The following ETV5 variants were observed in gnomAD, a reference collection of about 807,000 sequenced individuals.
ETV5 encodes the protein ETS variant transcription factor 5, also known as ETS translocation variant 5.
Under a neutral mutation model 70.0 loss-of-function variants are expected in ETV5, and 10 were observed. The observed-to-expected ratio is 0.14, with a 90% CI of 0.09 to 0.24. The LOEUF (loss-of-function observed/expected upper bound fraction) is 0.24, where lower values mean the gene tolerates loss of function less well. ETV5 is among the 10% of genes least tolerant of loss of function. The pLI is 1.00. For synonymous variants in ETV5, 216 were observed against 242.2 expected, an observed-to-expected ratio of 0.89 and a Z score of 1.01; for missense variants, 453 against 651.2, an observed-to-expected ratio of 0.70 and a Z score of 3.31.
chr3:186,084,195 T>C, intron 5 of ETV5: 1 of 449,124 alleles, frequency 2.2e-6, no homozygotes. Context: ...TGCTAAATGA[T>C]GACAGAGACC....
At chr3:186,103,478 A>G (rs1714512573) in intron 5 of ETV5, among the ~76,000 whole-genome samples, 1 of 152,222 alleles carries the variant, frequency 6.6e-6, no homozygotes, top group Non-Finnish European at 1.5e-5. Context: ...GTGTCATAAA[A>G]GCATTTCAAA....
intron 5 of ETV5, among the ~76,000 whole-genome samples, chr3:186,093,438 T>C (rs1714231282): frequency 6.6e-6 from 1 of 152,156 alleles, no homozygotes; most frequent in Non-Finnish European, 1.5e-5. Context: ...GGCTCAAGGA[T>C]TGCAACATTC....
intron 11 of ETV5, among the ~76,000 whole-genome samples, chr3:186,056,727 G>C (rs1031412679): frequency 3.3e-5 from 5 of 152,174 alleles, no homozygotes; most frequent in African/African-American, 4.8e-5. Context: ...GGCCCACAGG[G>C]GCTAAGACCA....
intron 7 of ETV5, 91 bp downstream of exon 7, chr3:186,079,725 CT>C: frequency 2.9e-6 from 4 of 1,379,936 alleles, no homozygotes; most frequent in Non-Finnish European, 4.0e-6. Context: ...TTTTAGGAAC[CT>C]GGTAAATAAG....
chr3:186,107,749 G>A (rs1327181335), intron 1 of ETV5, among the ~76,000 whole-genome samples: 1 of 151,970 alleles, frequency 6.6e-6, no homozygotes, highest in African/African-American at 2.4e-5. Flanking sequence ...GTGGCGCGCA[G>A]CGGGCCCGGT....
rs1241493049 is a variant in ETV5, at chr3:186,067,995, A to G, written c.651-1923T>C. On this transcript the variant is annotated intron_variant, in intron 7 of 12. Transcript: ENST00000306376. ...ACAGGAATATCCTTACAGAATAGGA[A>G]TGGTCATAAACAAAAAGTTTAACTC... Among the ~76,000 whole-genome samples, 3 of 152,372 alleles carry G rather than the reference A, an allele frequency of 2.0e-5. No individual in the cohort carries two copies. The East Asian group carries it at 5.8e-4, about 29-fold the overall frequency.
Position 186,090,919 on chromosome 3 carries a change from G to A in ETV5, c.233-9744C>T, listed in dbSNP as rs142908527. 8.4e-4 allele frequency among the ~76,000 whole-genome samples: 128 copies of A among 152,288 alleles called. 1 individual carries two copies. Among genetic ancestry groups the A allele is most frequent in the African/African-American group, 2.7e-3 (113 of 41,556 alleles). On this transcript the variant is annotated intron_variant, in intron 5 of 12. Transcript: ENST00000306376. ...TTACCAGGCTAATAAAAAGGAACAC[G>A]GGGCTGAAGACCTAAACTGTGTTGA...
chr3:186,071,425 C>A (rs183835140), intron 7 of ETV5, among the ~76,000 whole-genome samples: 34 of 152,312 alleles, frequency 2.2e-4, no homozygotes, highest in Non-Finnish European at 1.5e-5. Flanking sequence ...ACATCCTAGG[C>A]TGAAGTCCAA....
At chr3:186,081,319 T>C in intron 5 of ETV5, 144 bp from the exon 6 acceptor site, 1 of 684,200 alleles carries the variant, frequency 1.5e-6, no homozygotes, top group Non-Finnish European at 2.2e-6. Flanking sequence ...AGCAAAACGC[T>C]TAAACACACA....
chr3:186,085,348 A>AT (rs1714031434), intron 5 of ETV5, among the ~76,000 whole-genome samples: 2 of 152,038 alleles, frequency 1.3e-5, no homozygotes, highest in Admixed American at 6.6e-5. Flanking sequence ...CTGTATCCTC[A>AT]TGTTTACCCT....
At chr3:186,094,845 G>A (rs78785910) in intron 5 of ETV5, among the ~76,000 whole-genome samples, 21,372 of 152,074 alleles carry the variant, frequency 0.14, 1,682 homozygotes, top group African/African-American at 0.19. Context: ...TTGTGAGTAC[G>A]GAACTGACTC....
At chr3:186,060,403 T>C (rs1259505259) in intron 9 of ETV5, among the ~76,000 whole-genome samples, 1 of 152,224 alleles carries the variant, frequency 6.6e-6, no homozygotes, top group Non-Finnish European at 1.5e-5. Flanking sequence ...TTTAAGTCAG[T>C]TGAATTTGAG....
rs574902959 is a variant in ETV5 at position 186,052,752 on chromosome 3, G to A, written c.1210-621C>T. Among the ~76,000 whole-genome samples the A allele has an allele frequency of 4.6e-5, 7 of 152,172 alleles. No individual in the cohort carries two copies. The East Asian group carries it at 1.4e-3, about 29-fold the overall frequency. On this transcript the variant is annotated intron_variant, in intron 11 of 12. Coordinates refer to ENST00000306376, the MANE Select transcript of ETV5 (RefSeq NM_004454.3). This position sits in a 1 kb window ranked among gnomAD's most constrained non-coding sequence, Gnocchi z 4.5. Reference sequence around the variant, plus strand: ...TATCCACTTAATGAAAAATTAACAGGGCTTTCCAAACAGTTCTGAAATGCA... The same window carrying A: ...TATCCACTTAATGAAAAATTAACAGAGCTTTCCAAACAGTTCTGAAATGCA...
rs1712887008 is a variant in ETV5, at chr3:186,046,688, A to T, written c.*1951T>A. Reference sequence around the variant, plus strand: ...TCCATTCAAAAGAAAAAAAAAAAAAATCCAAACCAGGGTAAGTAAAGAAAG... The same window carrying T: ...TCCATTCAAAAGAAAAAAAAAAAAATTCCAAACCAGGGTAAGTAAAGAAAG... On this transcript the variant is annotated 3_prime_UTR_variant, in exon 13 of 13. Transcript: ENST00000306376. 1 of 231,874 alleles carries T rather than the reference A, an allele frequency of 4.3e-6. No individual in the cohort carries two copies. Among genetic ancestry groups the T allele is most frequent in the Non-Finnish European group, 8.5e-6 (1 of 117,270 alleles). The allele number at this position is 231,874 out of a possible 1,614,324, so 14.4% of individuals were successfully genotyped here.
intron 5 of ETV5, among the ~76,000 whole-genome samples, chr3:186,084,660 G>C (rs1714014811): frequency 6.6e-6 from 1 of 152,066 alleles, no homozygotes. Context: ...CTGAATTCAA[G>C]CCCTCACATT....
At chr3:186,079,219 CT>C (rs1200760486) in intron 7 of ETV5, 1 of 406,014 alleles carries the variant, frequency 2.5e-6, no homozygotes, top group Non-Finnish European at 3.6e-6. Flanking sequence ...CCTTCACACA[CT>C]TTTTTGACAA....
chr3:186,082,545 C>T (rs1372044203), intron 5 of ETV5, among the ~76,000 whole-genome samples: 2 of 151,720 alleles, frequency 1.3e-5, no homozygotes, highest in Non-Finnish European at 1.5e-5. Flanking sequence ...CTCAGCCTGC[C>T]GAGTAGCTGG....
At chr3:186,064,310 G>T in intron 9 of ETV5, 107 bp downstream of exon 9, 1 of 1,089,010 alleles carries the variant, frequency 9.2e-7, no homozygotes, top group Non-Finnish European at 1.4e-6. Context: ...TATTAGTCAA[G>T]CAAAGAAAGA....
Position 186,057,022 on chromosome 3 carries a change from A to T in ETV5, c.1209+53T>A. 6.3e-7 allele frequency: 1 copy of T among 1,582,650 alleles called. No individual in the cohort carries two copies. Among genetic ancestry groups the T allele is most frequent in the Middle Eastern group, 1.7e-4 (1 of 5,916 alleles). ...CTCAATGGAAATCTAAACAAAAAAC[A>T]TCATCAACAACAACAAATCAAAACC... On this transcript the variant is annotated intron_variant, in intron 11 of 12. Coordinates refer to ENST00000306376, the MANE Select transcript of ETV5 (RefSeq NM_004454.3). This position sits in a 1 kb window ranked among gnomAD's most constrained non-coding sequence, Gnocchi z 4.9.
Sources: allele counts gnomAD v4.1 joint callset (sites outside exome capture counted in the v4.1 genomes callset), GRCh38; gene constraint gnomAD v4.1.1; non-coding constraint Gnocchi (gnomAD v3.1); transcripts MANE v1.5; gene names NCBI Gene and HGNC (gene_info 2026-07-23, HGNC 2026-07-21).